Variants in CASP5 observed in about 807,000 individuals in gnomAD.
CASP5 encodes the protein caspase 5.
A neutral mutation model predicts 45.2 loss-of-function variants in CASP5; 42 were observed. That is an observed-to-expected ratio of 0.93 (90% CI 0.73 to 1.20). The LOEUF (loss-of-function observed/expected upper bound fraction) is 1.20. Among genes scored for constraint, CASP5 ranks in the 50% most tolerant of loss-of-function variants. The probability of loss-of-function intolerance (pLI) is 0.00; values close to 1 mark genes in which losing one functional copy is unlikely to be tolerated. For synonymous variants in CASP5, 209 were observed against 186.2 expected, an observed-to-expected ratio of 1.12 and a Z score of -1.00; for missense variants, 512 against 532.2, an observed-to-expected ratio of 0.96 and a Z score of 0.37.
chr11:105,010,540 A>T (rs3181170), intron 1 of CASP5, among the ~76,000 whole-genome samples: 8,397 of 150,700 alleles, frequency 0.056, 706 homozygotes, highest in African/African-American at 0.19. Flanking sequence ...TATCAGTAAT[A>T]ATCATTATTA....
intron 1 of CASP5, among the ~76,000 whole-genome samples, chr11:105,018,058 G>A (rs910079679): frequency 2.0e-5 from 3 of 151,430 alleles, no homozygotes; most frequent in African/African-American, 7.3e-5. Context: ...GCCAAACTAA[G>A]CTTCATAAGT....
In CASP5 at chr11:104,998,914, T is replaced by G; in HGVS notation, c.1067A>C (p.Asp356Ala). The G allele has an allele frequency of 6.2e-7, 1 of 1,613,854 alleles. No homozygotes were observed. Among genetic ancestry groups the G allele is most frequent in the South Asian group, 1.1e-5 (1 of 91,042 alleles). ...DSVCKIHEEK[D>A]FIAFCSSTPH... Reference sequence around the variant, plus strand: ...TGTTGAAGAACAGAAAGCAATGAAGTCCTTCTCCTCGTGGATCTTGCAAAC... The same window carrying G: ...TGTTGAAGAACAGAAAGCAATGAAGGCCTTCTCCTCGTGGATCTTGCAAAC... Residue 356 changes from aspartate to alanine, a missense_variant, in exon 7 of 10, where the codon GAC becomes GCC. Asp to Ala is a moderately radical substitution (Grantham distance 126). Coordinates refer to ENST00000260315, the MANE Select transcript of CASP5 (RefSeq NM_004347.5).
At chr11:105,019,301 A>G (rs1457511546) in intron 1 of CASP5, among the ~76,000 whole-genome samples, 1 of 150,302 alleles carries the variant, frequency 6.7e-6, no homozygotes, top group African/African-American at 2.4e-5. Context: ...GAAATAACTA[A>G]AATCAGAGCA....
intron 1 of CASP5, among the ~76,000 whole-genome samples, chr11:105,017,269 C>T (rs189677426): frequency 0.059 from 8,916 of 152,252 alleles, 797 homozygotes; most frequent in African/African-American, 0.2. Flanking sequence ...TCCAAAGGAA[C>T]GCAGTTCCTC....
intron 5 of CASP5, among the ~76,000 whole-genome samples, chr11:105,001,537 G>C (rs45487693): frequency 6.6e-6 from 1 of 152,160 alleles, no homozygotes; most frequent in Non-Finnish European, 1.5e-5. Flanking sequence ...GTGGTGGCAC[G>C]CTCCTGTAGC....
rs1861763183 is a variant in CASP5, at chr11:105,002,098, A to G, written c.647T>C (p.Ile216Thr). The change falls in exon 5 of 10, where the codon ATC becomes ACC. Residue 216 changes from isoleucine to threonine, a missense_variant. By Grantham distance (89) the Ile-to-Thr change is moderately conservative. Transcript: ENST00000260315. ...TTGAAGCAGCCTTTTCATCCCCACG[A>G]TGTCATAGTGAGCCCCATTCCTTGC... The part of the protein sequence containing the change: ...LPARNGAHYD[I>T]VGMKRLLQGL... 1 of 1,613,946 alleles carries G rather than the reference A, an allele frequency of 6.2e-7. No homozygotes were observed. Among genetic ancestry groups the G allele is most frequent in the African/African-American group, 1.3e-5 (1 of 74,888 alleles).
At chr11:104,999,177 T>C in intron 6 of CASP5, 149 bp from the exon 7 acceptor site, 1 of 643,756 alleles carries the variant, frequency 1.6e-6, no homozygotes, top group Non-Finnish European at 2.5e-6. Context: ...ATGCATTAAG[T>C]ATTTGTCTTA....
chr11:105,005,481 T>G (rs1050984252), intron 3 of CASP5, among the ~76,000 whole-genome samples: 4 of 151,602 alleles, frequency 2.6e-5, no homozygotes, highest in Non-Finnish European at 5.9e-5. Context: ...ACCCTCATAA[T>G]TATAACCATA....
At chr11:105,004,679 ATATTT>A (rs1347006049) in intron 3 of CASP5, among the ~76,000 whole-genome samples, 9 of 152,170 alleles carry the variant, frequency 5.9e-5, no homozygotes, top group African/African-American at 2.2e-4. Flanking sequence ...ATTTTTAATA[ATATTT>A]TAAAGTAAAT....
At chr11:104,999,445 GTCTA>G (rs1483600773) in intron 6 of CASP5, among the ~76,000 whole-genome samples, 3 of 152,144 alleles carry the variant, frequency 2.0e-5, no homozygotes, top group African/African-American at 7.2e-5. Context: ...TCTTTGTCCA[GTCTA>G]TCTATCATTG....
At chr11:105,022,480 A>G (rs543177734) in intron 1 of CASP5, among the ~76,000 whole-genome samples, 3 of 152,104 alleles carry the variant, frequency 2.0e-5, no homozygotes, top group African/African-American at 7.2e-5. Flanking sequence ...GTAGCCCAGG[A>G]CTCCAACTCA....
At chr11:105,017,184 A>T (rs1477099699) in intron 1 of CASP5, among the ~76,000 whole-genome samples, 3 of 152,178 alleles carry the variant, frequency 2.0e-5, no homozygotes, top group African/African-American at 7.2e-5. Flanking sequence ...GACCAAAAGT[A>T]GAAAAAACCA....
intron 1 of CASP5, among the ~76,000 whole-genome samples, chr11:105,012,675 C>G (rs2134738738): frequency 6.6e-6 from 1 of 151,808 alleles, no homozygotes; most frequent in South Asian, 2.1e-4. Flanking sequence ...CTCAACATCT[C>G]TGATCACCAG....
Position 105,000,281 on chromosome 11 carries a change from A to G in CASP5, c.932T>C (p.Ile311Thr), listed in dbSNP as rs781182960. The G allele has an allele frequency of 2.2e-5, 35 of 1,614,124 alleles. No homozygotes were observed. Among genetic ancestry groups the G allele is most frequent in the Non-Finnish European group, 2.8e-5 (33 of 1,180,038 alleles). The change falls in exon 6 of 10, where the codon ATT becomes ACT. Residue 311 changes from isoleucine (I) to threonine (T), a missense_variant. Physicochemically the swap from Ile to Thr is moderately conservative, Grantham distance 89. Transcript: ENST00000260315. ...CTCACCACCTCTGCAGGCCTGGACA[A>G]TGATGACCTTGGGTTTGTCCTTTAG... The part of the protein sequence containing the change: ...LSLKDKPKVI[I>T]VQACRGEKHG...
intron 2 of CASP5, among the ~76,000 whole-genome samples, chr11:105,007,833 C>T (rs2083075627): frequency 6.6e-6 from 1 of 152,256 alleles, no homozygotes. Context: ...TCTTTGTGCT[C>T]ATTAACATCT....
chr11:105,000,242 G>A lies in CASP5; in HGVS notation c.952+19C>T. 1 of 1,612,592 alleles carries A rather than the reference G, an allele frequency of 6.2e-7. No individual in the cohort carries two copies. Among genetic ancestry groups the A allele is most frequent in the South Asian group, 1.1e-5 (1 of 91,052 alleles). On this transcript the variant is annotated intron_variant, in intron 6 of 9. Transcript: ENST00000260315. ...GCATACACCTTCAAAACTGTTAGAT[G>A]TTCAGCCTCAGCACTCACCACCTCT... is the stretch of plus-strand genomic sequence containing the variant.
At chr11:105,019,643 C>G (rs192092416) in intron 1 of CASP5, among the ~76,000 whole-genome samples, 2 of 145,810 alleles carry the variant, frequency 1.4e-5, no homozygotes, top group African/African-American at 2.5e-5. Context: ...ATAACAGGAT[C>G]TGAAATTGTG....
At chr11:104,995,874 G>A (rs2134685889) in intron 8 of CASP5, 32 bp from the exon 9 acceptor site, 1 of 1,388,974 alleles carries the variant, frequency 7.2e-7, no homozygotes, top group Non-Finnish European at 1.0e-6. Flanking sequence ...GAGATATGAG[G>A]GATTTTGGGT....
At chr11:105,003,040 T>A (rs200798095) in intron 4 of CASP5, among the ~76,000 whole-genome samples, 2 of 149,812 alleles carry the variant, frequency 1.3e-5, no homozygotes, top group African/African-American at 4.9e-5. Flanking sequence ...CTACAAAAAT[T>A]AAAAAAAAAA....
Sources: allele counts gnomAD v4.1 joint callset (sites outside exome capture counted in the v4.1 genomes callset), GRCh38; gene constraint gnomAD v4.1.1; transcripts MANE v1.5; gene names NCBI Gene and HGNC (gene_info 2026-07-23, HGNC 2026-07-21).